The following RAD23B variants were observed in gnomAD, a reference collection of about 807,000 sequenced individuals.
RAD23B encodes RAD23 nucleotide excision repair protein B.
In RAD23B, 5 loss-of-function variants were observed where a neutral mutation model predicts 49.1. The observed-to-expected ratio is 0.10, with a 90% CI of 0.05 to 0.21. The LOEUF (loss-of-function observed/expected upper bound fraction) is 0.21, where lower values mean the gene tolerates loss of function less well. Among genes scored for constraint, RAD23B ranks in the 10% least tolerant of loss-of-function variants. The probability of loss-of-function intolerance (pLI) is 1.00; values close to 1 mark genes in which losing one functional copy is unlikely to be tolerated. For missense variants in RAD23B, 356 were observed against 486.7 expected, an observed-to-expected ratio of 0.73 and a Z score of 2.53; for synonymous variants, 184 against 165.4, an observed-to-expected ratio of 1.11 and a Z score of -0.86.
intron 4 of RAD23B, among the ~76,000 whole-genome samples, chr9:107,307,077 G>C (rs1007394354): frequency 2.0e-5 from 3 of 152,070 alleles, no homozygotes; most frequent in Admixed American, 6.5e-5. Flanking sequence ...AATCTTTCCC[G>C]TAGTTATATA....
chr9:107,314,571 A>G (rs1826954342), intron 5 of RAD23B, among the ~76,000 whole-genome samples: 2 of 152,130 alleles, frequency 1.3e-5, no homozygotes, highest in Admixed American at 6.5e-5. Context: ...CATTTTCTTT[A>G]TCTCATCCTC....
At chr9:107,302,148 C>G in intron 3 of RAD23B, 34 bp downstream of exon 3, 1 of 1,607,226 alleles carries the variant, frequency 6.2e-7, no homozygotes, top group Non-Finnish European at 8.5e-7. Context: ...TATCTTTATG[C>G]ATGTAGGTCT....
intron 9 of RAD23B, among the ~76,000 whole-genome samples, chr9:107,328,392 G>C (rs889666498): frequency 3.9e-5 from 6 of 152,098 alleles, no homozygotes; most frequent in African/African-American, 1.4e-4. Context: ...CGATCATCAG[G>C]CGTTAGTTAG....
chr9:107,306,721 ATTG>A (rs1826785262), intron 4 of RAD23B, 74 bp downstream of exon 4: 4 of 1,479,224 alleles, frequency 2.7e-6, no homozygotes, highest in Non-Finnish European at 9.2e-7. Flanking sequence ...TATTTTGATT[ATTG>A]TTTTGATCAA....
chr9:107,317,112 G>A (rs1827014179), intron 5 of RAD23B, among the ~76,000 whole-genome samples: 1 of 152,044 alleles, frequency 6.6e-6, no homozygotes, highest in East Asian at 1.9e-4. Flanking sequence ...GTGTGTGTGT[G>A]TGTGTGTGTT....
chr9:107,287,301 A>G (rs1267550940), intron 1 of RAD23B, among the ~76,000 whole-genome samples: 1 of 152,348 alleles, frequency 6.6e-6, no homozygotes, highest in African/African-American at 2.4e-5. Flanking sequence ...TATGTGATAT[A>G]CAAATTAATC....
intron 7 of RAD23B, among the ~76,000 whole-genome samples, chr9:107,322,963 C>T (rs1019980101): frequency 2.0e-5 from 3 of 152,130 alleles, no homozygotes; most frequent in South Asian, 4.1e-4. Context: ...GTTGCCTTCA[C>T]CTGTAAAGCT....
chr9:107,315,700 T>TA (rs1317819990), intron 5 of RAD23B, among the ~76,000 whole-genome samples: 1 of 151,330 alleles, frequency 6.6e-6, no homozygotes, highest in Non-Finnish European at 1.5e-5. Flanking sequence ...TTTTAGTAGA[T>TA]ACGGGGTTTC....
intron 1 of RAD23B, among the ~76,000 whole-genome samples, chr9:107,287,908 C>T (rs948932702): frequency 6.6e-6 from 1 of 150,662 alleles, no homozygotes; most frequent in African/African-American, 2.4e-5. Context: ...ACAGTATTTA[C>T]TAGCCATCAT....
At chr9:107,324,122 A>AGT in intron 8 of RAD23B, 105 bp downstream of exon 8, 4 of 1,253,252 alleles carry the variant, frequency 3.2e-6, no homozygotes, top group Non-Finnish European at 4.5e-6. Flanking sequence ...GTATTTGAGA[A>AGT]TGTGAATGTT....
In RAD23B at chr9:107,331,653, T is replaced by G. The variant is rs1173009387; in HGVS notation, c.*1997T>G. ...GAATACTCTCATTTATTTTATGACA[T>G]TCTCTGTCTACTCAGATCATAGTGA... On this transcript the variant is annotated 3_prime_UTR_variant, in exon 10 of 10. Transcript: ENST00000358015. 3.9e-6 allele frequency: 3 copies of G among 770,646 alleles called. No homozygotes were observed. Among genetic ancestry groups the G allele is most frequent in the Non-Finnish European group, 7.2e-6 (3 of 415,570 alleles). 47.7% of individuals were successfully genotyped at this position (770,646 alleles called of 1,614,324 possible).
intron 5 of RAD23B, among the ~76,000 whole-genome samples, chr9:107,312,333 T>C (rs561290059): frequency 7.2e-5 from 11 of 152,322 alleles, no homozygotes; most frequent in Admixed American, 2.6e-4. Flanking sequence ...GGCTGGCAAC[T>C]CCATTCCTAG....
At position 107,329,866 on chromosome 9, in the gene RAD23B, G is replaced by A. The variant is rs1827277027; in HGVS notation, c.*210G>A. ...AGCAGATGCCGCAACTCCACACAGT[G>A]TGTAAAATATATACAACCAAAAATC... On this transcript the variant is annotated 3_prime_UTR_variant, in exon 10 of 10. Transcript: ENST00000358015. 1 of 345,520 alleles carries A rather than the reference G, an allele frequency of 2.9e-6. No individual in the cohort carries two copies. Among genetic ancestry groups the A allele is most frequent in the Admixed American group, 4.6e-5 (1 of 21,896 alleles). The allele number at this position is 345,520 out of a possible 1,614,324, so 21.4% of individuals were successfully genotyped here.
At chr9:107,290,392 T>C (rs1833357676) in intron 1 of RAD23B, among the ~76,000 whole-genome samples, 1 of 152,218 alleles carries the variant, frequency 6.6e-6, no homozygotes, top group Admixed American at 6.5e-5. Context: ...ATCTTAATGA[T>C]ACACTCCCTT....
chr9:107,301,189 A>G (rs192917505), intron 2 of RAD23B, among the ~76,000 whole-genome samples: 1 of 152,360 alleles, frequency 6.6e-6, no homozygotes, highest in East Asian at 1.9e-4. Context: ...TAAGTTCTGT[A>G]GCATCTTGCC....
rs1827320513 is a variant in RAD23B at position 107,332,086 on chromosome 9, AT to A, written c.*2438del. On this transcript the variant is annotated 3_prime_UTR_variant, in exon 10 of 10. Coordinates refer to ENST00000358015, the MANE Select transcript of RAD23B (RefSeq NM_002874.5). ...ATTTCTTATGCCATCCTCTAGTCAA[AT>A]TTTTTTTCATTGTTTAAAAATACGG... 3 of 250,712 alleles carry A rather than the reference AT, an allele frequency of 1.2e-5. No individual in the cohort carries two copies. Among genetic ancestry groups the A allele is most frequent in the East Asian group, 7.5e-5 (1 of 13,364 alleles). 15.5% of individuals were successfully genotyped at this position (250,712 alleles called of 1,614,324 possible). A position where few individuals can be genotyped will look rare whatever the true frequency, so the allele number is the denominator to read the frequency against.
chr9:107,318,587 G>C lies in RAD23B; in HGVS notation c.554-165G>C, dbSNP rs1022102893. On this transcript the variant is annotated intron_variant, in intron 5 of 9. Coordinates refer to ENST00000358015, the MANE Select transcript of RAD23B (RefSeq NM_002874.5). The surrounding 1 kb of genome is among the most constrained non-coding windows in gnomAD (Gnocchi z 4.3). ...AGGGATCAAACCAGAGGGCATCTTT[G>C]GGGGACCATTACCTACTACATATAT... Among the ~76,000 whole-genome samples, 28 of 152,092 alleles carry C rather than the reference G, an allele frequency of 1.8e-4. No homozygotes were observed. The highest frequency in any genetic ancestry group is 6.5e-4 in the African/African-American group (27 of 41,390).
Position 107,306,045 on chromosome 9 carries a change from T to TTATATATA in RAD23B, c.229-329_229-328insATATATAT, listed in dbSNP as rs1374828264. On this transcript the variant is annotated intron_variant, in intron 3 of 9. Coordinates refer to ENST00000358015, the MANE Select transcript of RAD23B (RefSeq NM_002874.5). ...AGTTTTTTTGGGAAAATGATACGGT[T>TTATATATA]TATATCTATATATATATATATATAT... is the stretch of plus-strand genomic sequence containing the variant. Among the ~76,000 whole-genome samples, 186 of 26,740 alleles carry TTATATATA rather than the reference T, an allele frequency of 7.0e-3. 3 individuals are homozygous for TTATATATA. Among genetic ancestry groups the TTATATATA allele is most frequent in the African/African-American group, 0.022 (168 of 7,772 alleles). The allele number at this position is 26,740 out of a possible 152,430, so 17.5% of individuals were successfully genotyped here.
intron 1 of RAD23B, among the ~76,000 whole-genome samples, chr9:107,286,492 A>G (rs927908302): frequency 7.2e-5 from 11 of 152,208 alleles, no homozygotes; most frequent in Admixed American, 7.2e-4. Flanking sequence ...TTACTTGACT[A>G]TTACTGTGAT....
Sources: allele counts gnomAD v4.1 joint callset (sites outside exome capture counted in the v4.1 genomes callset), GRCh38; gene constraint gnomAD v4.1.1; non-coding constraint Gnocchi (gnomAD v3.1); transcripts MANE v1.5; gene names NCBI Gene and HGNC (gene_info 2026-07-23, HGNC 2026-07-21).